FRAS1: variants seen among roughly 807,000 people sequenced by gnomAD.
FRAS1 encodes the protein Fraser extracellular matrix complex subunit 1.
Under a neutral mutation model 435.2 loss-of-function variants are expected in FRAS1, and 290 were observed. That is an observed-to-expected ratio of 0.67 (90% CI 0.61 to 0.73). FRAS1 has a LOEUF of 0.73. Ranked by LOEUF, FRAS1 falls within the 30% of genes least tolerant of loss-of-function variation. The pLI is 0.00. For missense variants in FRAS1, 4,860 were observed against 5,001.5 expected, an observed-to-expected ratio of 0.97 and a Z score of 0.85; for synonymous variants, 1,800 against 1,851.0, an observed-to-expected ratio of 0.97 and a Z score of 0.71.
intron 9 of FRAS1, among the ~76,000 whole-genome samples, chr4:78,268,872 C>A (rs1412870965): frequency 2.0e-5 from 3 of 152,216 alleles, no homozygotes; most frequent in Non-Finnish European, 4.4e-5. Flanking sequence ...CACCCCATAA[C>A]ACCGTCTCAT....
chr4:78,509,923 A>C (rs1054325883), intron 63 of FRAS1, among the ~76,000 whole-genome samples: 1 of 152,206 alleles, frequency 6.6e-6, no homozygotes, highest in Non-Finnish European at 1.5e-5. Flanking sequence ...TTCATTCCAC[A>C]GTTTATTCCC....
Position 78,443,728 on chromosome 4 carries a change from G to A in FRAS1, c.5666-1794G>A, listed in dbSNP as rs77379379. Among the ~76,000 whole-genome samples the A allele has an allele frequency of 2.6e-3, 402 of 152,348 alleles. 4 individuals carry two copies. Among genetic ancestry groups the A allele is most frequent in the East Asian group, 0.02 (103 of 5,190 alleles). On this transcript the variant is annotated intron_variant, in intron 41 of 73. Transcript: ENST00000512123. ...AAATAGAAGGTAATGTTTTTTAAAT[G>A]TAAAGGATTGGAGCTTAAAGCTTCA...
intron 2 of FRAS1, among the ~76,000 whole-genome samples, chr4:78,199,883 A>G (rs1271225380): frequency 6.6e-6 from 1 of 152,212 alleles, no homozygotes; most frequent in Non-Finnish European, 1.5e-5. Flanking sequence ...TACTCAGTAA[A>G]GTTAGCCCTA....
chr4:78,447,654 G>A (rs78963082), intron 43 of FRAS1, among the ~76,000 whole-genome samples: 3,938 of 152,154 alleles, frequency 0.026, 170 homozygotes, highest in African/African-American at 0.09. Context: ...GGAATTTAAA[G>A]CATATTCTCA....
intron 35 of FRAS1, among the ~76,000 whole-genome samples, chr4:78,425,226 A>G (rs573198033): frequency 6.6e-6 from 1 of 152,308 alleles, no homozygotes; most frequent in East Asian, 1.9e-4. Flanking sequence ...GAATAGAGCC[A>G]TTCATGGAAT....
At chr4:78,145,198 AG>A (rs1421908712) in intron 2 of FRAS1, among the ~76,000 whole-genome samples, 2 of 152,174 alleles carry the variant, frequency 1.3e-5, no homozygotes, top group Non-Finnish European at 2.9e-5. Flanking sequence ...GCGCTGAGTC[AG>A]TTTACAACAG....
At chr4:78,459,194 T>A (rs1719293128) in intron 47 of FRAS1, among the ~76,000 whole-genome samples, 1 of 152,240 alleles carries the variant, frequency 6.6e-6, no homozygotes, top group African/African-American at 2.4e-5. Flanking sequence ...ATTTACAGGC[T>A]GAGTTGTAAT....
intron 52 of FRAS1, among the ~76,000 whole-genome samples, chr4:78,472,859 G>A (rs1719749737): frequency 6.6e-6 from 1 of 152,142 alleles, no homozygotes; most frequent in Non-Finnish European, 1.5e-5. Context: ...TTTCAGGATT[G>A]ACTTGACTGG....
At position 78,390,662 on chromosome 4, in the gene FRAS1, T is replaced by C. The variant is rs567236277; in HGVS notation, c.3975+2961T>C. Reference sequence around the variant, plus strand: ...CTGTATCTTGTTACAAGTGAGAGTATTTATAATCATTAAGTCTTCCAGGCC... The same window carrying C: ...CTGTATCTTGTTACAAGTGAGAGTACTTATAATCATTAAGTCTTCCAGGCC... On this transcript the variant is annotated intron_variant, in intron 29 of 73. Transcript: ENST00000512123. Among the ~76,000 whole-genome samples the C allele has an allele frequency of 1.3e-4, 20 of 152,344 alleles. No homozygotes were observed. The South Asian group carries it at 3.5e-3, about 27-fold the overall frequency.
chr4:78,514,231 G>T lies in FRAS1; in HGVS notation c.10174+679G>T, dbSNP rs6832499. ...TAAGTCACTGGATGCAGGCTGCCCC[G>T]CAAGGGCATGACCTTGGGCTGAGCC... On this transcript the variant is annotated intron_variant, in intron 65 of 73. Coordinates refer to ENST00000512123, the MANE Select transcript of FRAS1 (RefSeq NM_025074.7). Among the ~76,000 whole-genome samples, 1,446 of 152,334 alleles carry T rather than the reference G, an allele frequency of 9.5e-3. 19 individuals are homozygous for T. Among genetic ancestry groups the T allele is most frequent in the African/African-American group, 0.033 (1,372 of 41,574 alleles).
chr4:78,407,495 A>G (rs1733146643), intron 30 of FRAS1, among the ~76,000 whole-genome samples, 168 bp from the exon 31 acceptor site: 3 of 152,196 alleles, frequency 2.0e-5, no homozygotes, highest in Admixed American at 1.3e-4. Context: ...GGTGGATTCA[A>G]TACTGTCCAT....
At chr4:78,388,361 C>T (rs1292404947) in intron 29 of FRAS1, among the ~76,000 whole-genome samples, 3 of 151,262 alleles carry the variant, frequency 2.0e-5, no homozygotes, top group African/African-American at 7.3e-5. Context: ...AAAAACCCAG[C>T]TCATCAAATG....
At chr4:78,324,208 T>C (rs1442643909) in intron 18 of FRAS1, among the ~76,000 whole-genome samples, 1 of 152,190 alleles carries the variant, frequency 6.6e-6, no homozygotes, top group African/African-American at 2.4e-5. Flanking sequence ...AGAAAAATAA[T>C]ACCTATTACT....
Position 78,307,308 on chromosome 4 carries a change from C to T in FRAS1, c.1535-758C>T, listed in dbSNP as rs532455436. 2.6e-4 allele frequency among the ~76,000 whole-genome samples: 40 copies of T among 152,268 alleles called. No individual in the cohort carries two copies. In the South Asian group the frequency reaches 8.1e-3, roughly 31 times the overall value. On this transcript the variant is annotated intron_variant, in intron 14 of 73. Coordinates refer to ENST00000512123, the MANE Select transcript of FRAS1 (RefSeq NM_025074.7). ...ACATTTAAGTCTGCAGAGGTTATTG[C>T]TGTCTTTTGTTTGTCTGTGCCCTGC...
chr4:78,074,861 C>T (rs1175201916), intron 2 of FRAS1, among the ~76,000 whole-genome samples: 2 of 152,114 alleles, frequency 1.3e-5, no homozygotes, highest in African/African-American at 4.8e-5. Context: ...AACCGATAAG[C>T]TAAGTTGGAG....
chr4:78,394,839 T>G (rs942951741), intron 29 of FRAS1, among the ~76,000 whole-genome samples: 1 of 152,032 alleles, frequency 6.6e-6, no homozygotes, highest in East Asian at 1.9e-4. Flanking sequence ...TTTATAAACA[T>G]GGGATATCTT....
At chr4:78,064,040 C>T (rs897242339) in intron 1 of FRAS1, among the ~76,000 whole-genome samples, 1 of 151,840 alleles carries the variant, frequency 6.6e-6, no homozygotes, top group African/African-American at 2.4e-5. Context: ...ACATCACACA[C>T]ATACATATGT....
chr4:78,501,010 G>C (rs1029054264), intron 61 of FRAS1, among the ~76,000 whole-genome samples: 2 of 151,960 alleles, frequency 1.3e-5, no homozygotes, highest in African/African-American at 4.8e-5. Context: ...GTACATGTGC[G>C]CAACATGCAG....
At chr4:78,473,388 G>A (rs760993908) in intron 52 of FRAS1, 50 bp from the exon 53 acceptor site, 3 of 1,493,600 alleles carry the variant, frequency 2.0e-6, no homozygotes, top group Admixed American at 3.5e-5. Flanking sequence ...AATCTATGAA[G>A]CTGTCGTTAC....
Sources: allele counts gnomAD v4.1 joint callset (sites outside exome capture counted in the v4.1 genomes callset), GRCh38; gene constraint gnomAD v4.1.1; transcripts MANE v1.5; gene names NCBI Gene and HGNC (gene_info 2026-07-23, HGNC 2026-07-21).